RASGEF1A: variants seen among roughly 807,000 people sequenced by gnomAD.
RASGEF1A encodes the protein RasGEF domain family member 1A.
RASGEF1A carries 18 observed loss-of-function variants against 56.4 expected under a neutral mutation model. The ratio of observed to expected loss-of-function variants is 0.32; its 90% confidence interval spans 0.22 to 0.47. The LOEUF is 0.47. Ranked by LOEUF, RASGEF1A falls within the 20% of genes least tolerant of loss-of-function variation. RASGEF1A has a pLI of 1.00. For missense variants in RASGEF1A, 422 were observed against 627.1 expected, an observed-to-expected ratio of 0.67 and a Z score of 3.49; for synonymous variants, 245 against 242.6, an observed-to-expected ratio of 1.01 and a Z score of -0.09.
intron 1 of RASGEF1A, among the ~76,000 whole-genome samples, chr10:43,264,950 A>G (rs1171514552): frequency 6.6e-6 from 1 of 151,968 alleles, no homozygotes; most frequent in Non-Finnish European, 1.5e-5. Flanking sequence ...AGGCCAACCA[A>G]AGCTGTCCCA....
At chr10:43,264,953 C>T (rs182774814) in intron 1 of RASGEF1A, among the ~76,000 whole-genome samples, 6 of 152,150 alleles carry the variant, frequency 3.9e-5, no homozygotes, top group Non-Finnish European at 7.3e-5. Context: ...CCAACCAAAG[C>T]TGTCCCATCC....
chr10:43,235,282 C>T (rs898932766), intron 1 of RASGEF1A, among the ~76,000 whole-genome samples: 5 of 152,218 alleles, frequency 3.3e-5, no homozygotes, highest in African/African-American at 7.2e-5. Flanking sequence ...TCAGGCACAC[C>T]TCTCCCCAGT....
intron 1 of RASGEF1A, among the ~76,000 whole-genome samples, chr10:43,210,663 T>G (rs1374812495): frequency 6.6e-6 from 1 of 152,226 alleles, no homozygotes; most frequent in Non-Finnish European, 1.5e-5. Flanking sequence ...CTCTCCTGCC[T>G]CAGCTGCTCC....
rs1839789066 is a variant in RASGEF1A at position 43,195,912 on chromosome 10, A to T, written c.*332T>A. 5.7e-6 allele frequency: 1 copy of T among 175,888 alleles called. No individual in the cohort carries two copies. The allele number at this position is 175,888 out of a possible 1,614,324, so 10.9% of individuals were successfully genotyped here. ...CACGTTGGTTTTGGCTGGGTTTTTT[A>T]AAATATTTTTTTCATAAGATGTTAA... On this transcript the variant is annotated 3_prime_UTR_variant, in exon 13 of 13. Transcript: ENST00000395810. The surrounding 1 kb of genome is among the most constrained non-coding windows in gnomAD (Gnocchi z 4.2).
chr10:43,260,100 C>T (rs138512936), intron 1 of RASGEF1A, among the ~76,000 whole-genome samples: 1 of 152,318 alleles, frequency 6.6e-6, no homozygotes, highest in Non-Finnish European at 1.5e-5. Flanking sequence ...AAAAGAGGCA[C>T]ATTAAGTCAC....
intron 1 of RASGEF1A, among the ~76,000 whole-genome samples, chr10:43,221,109 C>T (rs1014143083): frequency 2.0e-5 from 3 of 152,162 alleles, no homozygotes; most frequent in Admixed American, 1.3e-4. Context: ...AGGAGTGATC[C>T]CATCCCTCCA....
At chr10:43,224,268 T>G (rs1432293176) in intron 1 of RASGEF1A, among the ~76,000 whole-genome samples, 4 of 151,652 alleles carry the variant, frequency 2.6e-5, no homozygotes, top group Non-Finnish European at 5.9e-5. Flanking sequence ...AAAGCTAAAA[T>G]AGCATGATTT....
intron 1 of RASGEF1A, among the ~76,000 whole-genome samples, chr10:43,250,755 T>C (rs1840619280): frequency 6.6e-6 from 1 of 152,162 alleles, no homozygotes. Flanking sequence ...CAAAAGCACA[T>C]GAGGGGCATT....
chr10:43,243,114 T>C (rs929517983), intron 1 of RASGEF1A, among the ~76,000 whole-genome samples: 1 of 145,876 alleles, frequency 6.9e-6, no homozygotes, highest in Non-Finnish European at 1.5e-5. Context: ...GCCCATCGTC[T>C]GGGATGTGAG....
chr10:43,228,843 C>T, intron 1 of RASGEF1A, among the ~76,000 whole-genome samples: 1 of 152,244 alleles, frequency 6.6e-6, no homozygotes, highest in East Asian at 1.9e-4. Context: ...AGTGCCTGCA[C>T]ACAGCAGGGG....
At position 43,205,960 on chromosome 10, in the gene RASGEF1A, G is replaced by A; in HGVS notation, c.157C>T (p.Leu53=). 1.2e-6 allele frequency: 2 copies of A among 1,613,340 alleles called. No individual in the cohort carries two copies. Among genetic ancestry groups the A allele is most frequent in the East Asian group, 2.2e-5 (1 of 44,872 alleles). ...GHLISGSLEA[L]MEHLVPTVDY... Reference sequence around the variant, plus strand: ...ACCGTGGGAACAAGGTGCTCCATCAGGGCCTCCAGGGACCCAGAGATGAGG... The same window carrying A: ...ACCGTGGGAACAAGGTGCTCCATCAAGGCCTCCAGGGACCCAGAGATGAGG... The change falls in exon 2 of 13, where the codon CTG becomes TTG. Residue 53 remains leucine (L), a synonymous_variant. Transcript: ENST00000395810.
chr10:43,243,972 G>A (rs1430049775), intron 1 of RASGEF1A, among the ~76,000 whole-genome samples: 1 of 152,194 alleles, frequency 6.6e-6, no homozygotes, highest in Admixed American at 6.5e-5. Context: ...AAAAGAAAGA[G>A]AGATCAGATT....
chr10:43,225,576 GGTGTGTGT>G (rs139307816), intron 1 of RASGEF1A, among the ~76,000 whole-genome samples: 1 of 146,084 alleles, frequency 6.8e-6, no homozygotes, highest in Non-Finnish European at 1.5e-5. Context: ...TCTGTGTATG[GGTGTGTGT>G]GTGTGTGTGT....
intron 1 of RASGEF1A, among the ~76,000 whole-genome samples, chr10:43,234,248 G>A (rs1840405095): frequency 6.6e-6 from 1 of 152,220 alleles, no homozygotes; most frequent in African/African-American, 2.4e-5. Context: ...GGCCAGGACA[G>A]GTAGAAGCTG....
Position 43,196,479 on chromosome 10 carries a change from AGG to A in RASGEF1A, c.1416_1417del (p.Leu473GlnfsTer29). 6.2e-7 allele frequency: 1 copy of A among 1,613,682 alleles called. No homozygotes were observed. The highest frequency in any genetic ancestry group is 8.5e-7 in the Non-Finnish European group (1 of 1,179,860). Reference sequence around the variant, plus strand: ...CATGTTCCTGACGCCCTCCTACCTGAGGGTCTTCCAGCTGTCTTTTTCCATGT... The same window carrying A: ...CATGTTCCTGACGCCCTCCTACCTGAGTCTTCCAGCTGTCTTTTTCCATGT... On this transcript the variant is annotated frameshift_variant, in exon 12 of 13. Coordinates refer to ENST00000395810, the MANE Select transcript of RASGEF1A (RefSeq NM_145313.4). LOFTEE classifies it high-confidence loss of function. This position sits in a 1 kb window ranked among gnomAD's most constrained non-coding sequence, Gnocchi z 4.6.
chr10:43,223,879 A>G (rs1214411903), intron 1 of RASGEF1A, among the ~76,000 whole-genome samples: 1 of 152,182 alleles, frequency 6.6e-6, no homozygotes, highest in East Asian at 1.9e-4. Flanking sequence ...AAGAAGGAAG[A>G]AAGGAAGGAC....
intron 1 of RASGEF1A, among the ~76,000 whole-genome samples, chr10:43,252,554 G>T (rs1442987400): frequency 6.6e-6 from 1 of 152,156 alleles, no homozygotes; most frequent in Non-Finnish European, 1.5e-5. Context: ...AAACCCAACT[G>T]CCTGGCCAGG....
intron 1 of RASGEF1A, among the ~76,000 whole-genome samples, chr10:43,226,441 A>C (rs1840281009): frequency 6.6e-6 from 1 of 152,092 alleles, no homozygotes; most frequent in Non-Finnish European, 1.5e-5. Flanking sequence ...TGTCTCAAAA[A>C]AAGAAAAGAA....
chr10:43,251,792 A>G (rs1484008818), intron 1 of RASGEF1A, among the ~76,000 whole-genome samples: 1 of 152,166 alleles, frequency 6.6e-6, no homozygotes, highest in Non-Finnish European at 1.5e-5. Flanking sequence ...CCCCTCCAGG[A>G]CTGTGAGGGG....
Sources: gnomAD v4.1 joint callset for allele counts (sites outside exome capture counted in the v4.1 genomes callset) on GRCh38, gnomAD v4.1.1 for gene constraint, Gnocchi (gnomAD v3.1) non-coding constraint, MANE v1.5 for transcripts, NCBI Gene and HGNC (gene_info 2026-07-23, HGNC 2026-07-21) for gene names.